Variants in UQCC6 observed in about 807,000 individuals in gnomAD.
UQCC6 encodes ubiquinol-cytochrome c reductase complex assembly factor 6.
At chr12:103,962,171 T>G in the UQCC6 span, among the ~76,000 whole-genome samples, 1 of 152,250 alleles carries the variant, frequency 6.6e-6, no homozygotes, top group East Asian at 1.9e-4. Context: ...TTTATAAAAC[T>G]GAGTTGTTTT....
At chr12:103,956,930 A>G in the UQCC6 span, 1 of 564,724 alleles carries the variant, frequency 1.8e-6, no homozygotes, top group Non-Finnish European at 3.2e-6. Context: ...GGGCACTGAG[A>G]GGACGAACGC....
chr12:103,965,164 C>T, the UQCC6 span, among the ~76,000 whole-genome samples: 28 of 152,062 alleles, frequency 1.8e-4, no homozygotes, highest in Non-Finnish European at 4.1e-4. Flanking sequence ...GTACAAACAC[C>T]AGTGACAGAA....
At chr12:103,958,760 TA>T in the UQCC6 span, among the ~76,000 whole-genome samples, 309 of 152,016 alleles carry the variant, frequency 2.0e-3, no homozygotes, top group Non-Finnish European at 3.5e-3. Context: ...TGTTGGAACC[TA>T]AAAAAAACAC....
the UQCC6 span, among the ~76,000 whole-genome samples, chr12:103,961,228 T>G: frequency 6.6e-6 from 1 of 152,018 alleles, no homozygotes; most frequent in Non-Finnish European, 1.5e-5. Flanking sequence ...AATAAGGATA[T>G]AAGAAATTGT....
chr12:103,959,785 T>A, the UQCC6 span, among the ~76,000 whole-genome samples: 3 of 145,278 alleles, frequency 2.1e-5, no homozygotes, highest in Admixed American at 1.5e-4. Flanking sequence ...CTATACAAAT[T>A]TATTATTTAT....
the UQCC6 span, among the ~76,000 whole-genome samples, chr12:103,961,989 A>G: frequency 6.6e-6 from 1 of 152,232 alleles, no homozygotes; most frequent in Non-Finnish European, 1.5e-5. Flanking sequence ...AGGCCATACA[A>G]TATAGCCTAG....
chr12:103,952,665 T>C, the UQCC6 span, among the ~76,000 whole-genome samples: 2 of 152,242 alleles, frequency 1.3e-5, no homozygotes, highest in African/African-American at 4.8e-5. Context: ...TTTCTCCACA[T>C]CCTTGACAAT....
At chr12:103,965,627 A>C in the UQCC6 span, 1 of 199,806 alleles carries the variant, frequency 5.0e-6, no homozygotes, top group East Asian at 1.2e-4. Flanking sequence ...ACAGCACCCT[A>C]TCGCCCACGC....
At chr12:103,953,181 G>A in the UQCC6 span, among the ~76,000 whole-genome samples, 7 of 152,306 alleles carry the variant, frequency 4.6e-5, no homozygotes, top group South Asian at 4.1e-4. Flanking sequence ...AGGTCAGGAA[G>A]CTATTACAAT....
At chr12:103,959,223 C>T in the UQCC6 span, among the ~76,000 whole-genome samples, 1 of 152,068 alleles carries the variant, frequency 6.6e-6, no homozygotes, top group African/African-American at 2.4e-5. Flanking sequence ...TTGAATAAAC[C>T]CTCTTTAAGT....
At chr12:103,956,591 AT>A in the UQCC6 span, 112 of 1,331,484 alleles carry the variant, frequency 8.4e-5, no homozygotes, top group Non-Finnish European at 1.2e-4. Context: ...AATGAGGTAT[AT>A]TTAGCTCAAA....
the UQCC6 span, chr12:103,955,897 T>C: frequency 2.3e-6 from 1 of 433,700 alleles, no homozygotes; most frequent in Admixed American, 2.6e-5. Context: ...TTAAAATTAA[T>C]TTAAATTTCT....
the UQCC6 span, chr12:103,956,690 T>A: frequency 6.4e-7 from 1 of 1,551,736 alleles, no homozygotes; most frequent in South Asian, 1.2e-5. Context: ...GCCAGGAGAC[T>A]GGCTGCGAAC....
the UQCC6 span, among the ~76,000 whole-genome samples, chr12:103,960,807 GTGTAAACACACCA>G: frequency 6.6e-6 from 1 of 152,238 alleles, no homozygotes; most frequent in South Asian, 2.1e-4. Flanking sequence ...GGTGATGCTG[GTGTAAACACACCA>G]TGCTGCCAGT....
chr12:103,953,249 G>A, the UQCC6 span: 1 of 673,664 alleles, frequency 1.5e-6, no homozygotes, highest in African/African-American at 1.8e-5. Flanking sequence ...GAGGTGGTGA[G>A]AAGCAGGCAG....
At chr12:103,958,954 C>T in the UQCC6 span, among the ~76,000 whole-genome samples, 4 of 152,274 alleles carry the variant, frequency 2.6e-5, no homozygotes, top group South Asian at 6.2e-4. Flanking sequence ...TCCTGCTTTG[C>T]TGAGACCAGA....
the UQCC6 span, chr12:103,954,947 C>T: frequency 1.0e-5 from 7 of 701,502 alleles, no homozygotes; most frequent in Non-Finnish European, 1.8e-5. Flanking sequence ...ATCAACTTCA[C>T]TCTTCTCAAC....
At chr12:103,956,760 AG>A in the UQCC6 span, 2 of 1,499,696 alleles carry the variant, frequency 1.3e-6, no homozygotes, top group Non-Finnish European at 1.8e-6. Context: ...TGGACGGGGA[AG>A]GAAGGGGCAG....
the UQCC6 span, among the ~76,000 whole-genome samples, chr12:103,958,414 A>T: frequency 4.4e-3 from 663 of 152,264 alleles, 5 homozygotes; most frequent in South Asian, 0.018. Flanking sequence ...AACATACCCA[A>T]GACCCTCAAA....
Sources: allele counts gnomAD v4.1 joint callset (sites outside exome capture counted in the v4.1 genomes callset), GRCh38; gene constraint gnomAD v4.1.1; transcripts MANE v1.5; gene names NCBI Gene and HGNC (gene_info 2026-07-23, HGNC 2026-07-21).